Variants in RCL1 observed in about 807,000 individuals in gnomAD.
RCL1 encodes the protein RNA 3'-terminal phosphate cyclase-like protein.
A neutral mutation model predicts 42.4 loss-of-function variants in RCL1; 24 were observed. That is an observed-to-expected ratio of 0.57 (90% confidence interval 0.41 to 0.80). The LOEUF is 0.80. Among genes scored for constraint, RCL1 ranks in the 30% least tolerant of loss-of-function variants. The pLI, the probability that RCL1 is intolerant of heterozygous loss-of-function variation, is 0.00. For missense variants in RCL1, 578 were observed against 467.9 expected (o/e 1.24, Z -2.17); for synonymous variants, 228 against 177.3 (o/e 1.29, Z -2.27).
intron 5 of RCL1, among the ~76,000 whole-genome samples, chr9:4,834,472 T>TC (rs1817055514): frequency 3.9e-4 from 2 of 5,128 alleles, no homozygotes; most frequent in African/African-American, 6.1e-4. Context: ...TGAGTCATTC[T>TC]TTTTTTTTTT....
rs1377991450 is a variant in RCL1 at position 4,860,303 on chromosome 9, C to T, written c.*28C>T. The T allele has an allele frequency of 6.2e-7, 1 of 1,604,874 alleles. No individual in the cohort carries two copies. The highest frequency in any genetic ancestry group is 8.5e-7 in the Non-Finnish European group (1 of 1,176,760). On this transcript the variant is annotated 3_prime_UTR_variant, in exon 9 of 9. Transcript: ENST00000381750. The stretch of plus-strand genomic sequence containing the variant: ...ACCATCACAAGATAAGGCCCCAATG[C>T]CTACAGACAAAGCAGAAGCTGCCAC...
At chr9:4,848,039 A>G (rs1236984623) in intron 7 of RCL1, among the ~76,000 whole-genome samples, 2 of 152,340 alleles carry the variant, frequency 1.3e-5, no homozygotes, top group Non-Finnish European at 2.9e-5. Context: ...TTAGCTATCT[A>G]TTACATTAAA....
At chr9:4,838,394 G>C in intron 5 of RCL1, among the ~76,000 whole-genome samples, 1 of 152,330 alleles carries the variant, frequency 6.6e-6, no homozygotes, top group Middle Eastern at 3.4e-3. Context: ...TATGTGGGGC[G>C]TAAGAGAAAG....
intron 4 of RCL1, 65 bp from the exon 5 acceptor site, chr9:4,834,076 C>A: frequency 1.3e-6 from 2 of 1,553,838 alleles, no homozygotes; most frequent in Non-Finnish European, 1.7e-6. Flanking sequence ...CCTTCCTGGG[C>A]AGGGTGTCAG....
chr9:4,815,938 T>G (rs80298142), intron 1 of RCL1, among the ~76,000 whole-genome samples: 2,512 of 152,154 alleles, frequency 0.017, 70 homozygotes, highest in African/African-American at 0.058. Flanking sequence ...GATTGGGGAT[T>G]GGGGTGATAG....
At chr9:4,796,451 A>G (rs775171008) in intron 1 of RCL1, among the ~76,000 whole-genome samples, 6 of 152,146 alleles carry the variant, frequency 3.9e-5, no homozygotes, top group Non-Finnish European at 8.8e-5. Context: ...TCATGAGTGC[A>G]GTGGTGTGAT....
At chr9:4,807,013 T>C (rs1815998991) in intron 1 of RCL1, among the ~76,000 whole-genome samples, 1 of 152,220 alleles carries the variant, frequency 6.6e-6, no homozygotes, top group South Asian at 2.1e-4. Flanking sequence ...ATCTAACTTG[T>C]TGAATTAATA....
At position 4,860,363 on chromosome 9, in the gene RCL1, C is replaced by G; in HGVS notation, c.*88C>G. The stretch of plus-strand genomic sequence containing the variant: ...TGGGACCAAGTCCAAATGGATTAAT[C>G]CAGGACAGAATAGCCACTTGCTTAA... On this transcript the variant is annotated 3_prime_UTR_variant, in exon 9 of 9. Coordinates refer to ENST00000381750, the MANE Select transcript of RCL1 (RefSeq NM_005772.5). The G allele has an allele frequency of 1.4e-6, 2 of 1,392,114 alleles. No individual in the cohort carries two copies. The highest frequency in any genetic ancestry group is 1.9e-6 in the Non-Finnish European group (2 of 1,025,872). 86.2% of individuals were successfully genotyped at this position (1,392,114 alleles called of 1,614,324 possible).
chr9:4,794,854 G>A (rs563391086), intron 1 of RCL1, among the ~76,000 whole-genome samples: 7 of 152,290 alleles, frequency 4.6e-5, no homozygotes, highest in African/African-American at 1.7e-4. Context: ...TCCAAGAACA[G>A]GGCTTGGCCA....
chr9:4,834,007 G>C, intron 4 of RCL1, 134 bp from the exon 5 acceptor site: 2 of 974,844 alleles, frequency 2.1e-6, no homozygotes, highest in Non-Finnish European at 2.9e-6. Context: ...GTCTTGAAGG[G>C]AATGACAGAT....
At chr9:4,855,604 GGA>G (rs1817930902) in intron 8 of RCL1, among the ~76,000 whole-genome samples, 1 of 152,108 alleles carries the variant, frequency 6.6e-6, no homozygotes, top group African/African-American at 2.4e-5. Context: ...GTTTTCTTAA[GGA>G]GGCTGTTTGC....
chr9:4,801,718 CT>C (rs57255135), intron 1 of RCL1, among the ~76,000 whole-genome samples: 8,268 of 111,316 alleles, frequency 0.074, 285 homozygotes, highest in African/African-American at 0.15. Flanking sequence ...GGTTGCGATT[CT>C]TTTTTTTTTT....
intron 5 of RCL1, among the ~76,000 whole-genome samples, chr9:4,838,229 A>C (rs1170857469): frequency 6.6e-6 from 1 of 152,154 alleles, no homozygotes; most frequent in African/African-American, 2.4e-5. Flanking sequence ...GTTTTAACTG[A>C]ATTACTTCCA....
intron 8 of RCL1, among the ~76,000 whole-genome samples, chr9:4,849,780 A>C (rs550995989): frequency 1.3e-5 from 2 of 152,114 alleles, no homozygotes; most frequent in African/African-American, 4.8e-5. Flanking sequence ...CATGATCTCT[A>C]TTGGGCAGTT....
intron 1 of RCL1, among the ~76,000 whole-genome samples, chr9:4,818,712 C>A (rs1816481849): frequency 6.6e-6 from 1 of 151,896 alleles, no homozygotes; most frequent in East Asian, 1.9e-4. Flanking sequence ...GAAACCCTGT[C>A]TCTACTAAAA....
Position 4,853,862 on chromosome 9 carries a change from A to G in RCL1, c.971+4312A>G, listed in dbSNP as rs76335749. 2.9e-3 allele frequency among the ~76,000 whole-genome samples: 447 copies of G among 152,132 alleles called. 2 individuals carry two copies. Among genetic ancestry groups the G allele is most frequent in the African/African-American group, 8.3e-3 (346 of 41,496 alleles). Reference sequence around the variant, plus strand: ...TGGAAGTGCTGAGGAGCTAGAGGACACTGTCCTTGTTAAACACCAACTGAG... The same window carrying G: ...TGGAAGTGCTGAGGAGCTAGAGGACGCTGTCCTTGTTAAACACCAACTGAG... On this transcript the variant is annotated intron_variant, in intron 8 of 8. Coordinates refer to ENST00000381750, the MANE Select transcript of RCL1 (RefSeq NM_005772.5).
chr9:4,802,927 C>A (rs984800176), intron 1 of RCL1, among the ~76,000 whole-genome samples: 1 of 152,180 alleles, frequency 6.6e-6, no homozygotes, highest in African/African-American at 2.4e-5. Context: ...CTCAAGCAAT[C>A]CTCTTGCCTC....
intron 3 of RCL1, among the ~76,000 whole-genome samples, chr9:4,827,540 G>A (rs1447300843): frequency 6.6e-6 from 1 of 152,190 alleles, no homozygotes; most frequent in East Asian, 1.9e-4. Flanking sequence ...GGAAAGGAAT[G>A]TGTGAGCTTT....
At chr9:4,824,236 T>C (rs1260980286) in intron 2 of RCL1, among the ~76,000 whole-genome samples, 1 of 152,222 alleles carries the variant, frequency 6.6e-6, no homozygotes. Flanking sequence ...ATGCAAAAGA[T>C]GTGAACATCC....
Sources: allele counts gnomAD v4.1 joint callset (sites outside exome capture counted in the v4.1 genomes callset), GRCh38; gene constraint gnomAD v4.1.1; transcripts MANE v1.5; gene names NCBI Gene and HGNC (gene_info 2026-07-23, HGNC 2026-07-21).